IDO2: variants seen among roughly 807,000 people sequenced by gnomAD.
IDO2 encodes the protein indoleamine 2,3-dioxygenase-like 1 protein.
A neutral mutation model predicts 45.1 loss-of-function variants in IDO2; 46 were observed. That is an observed-to-expected ratio of 1.02 (90% CI 0.80 to 1.30). The LOEUF (loss-of-function observed/expected upper bound fraction) is 1.30, where lower values mean the gene tolerates loss of function less well. Ranked by LOEUF, IDO2 falls within the 50% of genes most tolerant of loss-of-function variation. The pLI is 0.00. For synonymous variants in IDO2, 218 were observed against 184.9 expected (o/e 1.18, Z -1.45); for missense variants, 544 against 491.8 (o/e 1.11, Z -1.00).
At chr8:39,962,798 A>T (rs1459545665) in intron 2 of IDO2, among the ~76,000 whole-genome samples, 1 of 152,222 alleles carries the variant, frequency 6.6e-6, no homozygotes, top group Non-Finnish European at 1.5e-5. Flanking sequence ...GGTGTGCCCA[A>T]GCAAACCATA....
intron 8 of IDO2, among the ~76,000 whole-genome samples, chr8:40,002,122 T>C (rs1460458079): frequency 2.0e-5 from 3 of 152,144 alleles, no homozygotes; most frequent in African/African-American, 7.2e-5. Context: ...TCTAAAGTTG[T>C]TTTGTCTTTC....
chr8:39,985,270 C>A (rs560617909), intron 5 of IDO2: 129 of 544,160 alleles, frequency 2.4e-4, no homozygotes, highest in African/African-American at 2.1e-3. Flanking sequence ...TATTCTGGGG[C>A]TGGAATGTGA....
In IDO2 at chr8:40,004,197, C is replaced by G. The variant is rs570711238; in HGVS notation, c.668-1130C>G. Among the ~76,000 whole-genome samples, 58 of 152,254 alleles carry G rather than the reference C, an allele frequency of 3.8e-4. 1 individual carries two copies. The highest frequency in any genetic ancestry group is 5.9e-4 in the Admixed American group (9 of 15,290). On this transcript the variant is annotated intron_variant, in intron 8 of 10. Coordinates refer to ENST00000502986, the Ensembl canonical transcript of IDO2. ...CGCATGGGGCATTGTCACATGTAAG[C>G]AGACAGAATGTGACACCACCAAGGA...
intron 8 of IDO2, among the ~76,000 whole-genome samples, chr8:40,004,522 AGAT>A (rs940862813): frequency 2.0e-5 from 2 of 98,710 alleles, no homozygotes; most frequent in Non-Finnish European, 4.4e-5. Flanking sequence ...TTAGACAGAC[AGAT>A]GATAGATAGA....
At chr8:39,981,768 A>G (rs1163143082) in intron 4 of IDO2, among the ~76,000 whole-genome samples, 1 of 152,158 alleles carries the variant, frequency 6.6e-6, no homozygotes, top group Non-Finnish European at 1.5e-5. Context: ...TGGATATTTT[A>G]TCTTAAGGAG....
chr8:39,983,863 G>GA (rs71220808), intron 5 of IDO2, among the ~76,000 whole-genome samples: 148,273 of 150,798 alleles, frequency 0.98, 72,915 homozygotes, highest in Middle Eastern at 1. Flanking sequence ...TGTCTCAAAA[G>GA]AAAAAAAAAT....
chr8:39,940,625 G>A (rs1287417171), intron 1 of IDO2, among the ~76,000 whole-genome samples: 10 of 152,082 alleles, frequency 6.6e-5, no homozygotes, highest in Admixed American at 4.6e-4. Flanking sequence ...TTTAAAATAC[G>A]CAATATATTA....
At chr8:39,965,784 T>A (rs913884699) in intron 3 of IDO2, among the ~76,000 whole-genome samples, 2 of 152,074 alleles carry the variant, frequency 1.3e-5, no homozygotes, top group Non-Finnish European at 2.9e-5. Flanking sequence ...AGCCAAGATG[T>A]GCCAAGGATT....
intron 3 of IDO2, among the ~76,000 whole-genome samples, chr8:39,974,478 G>A (rs1486675436): frequency 1.3e-5 from 2 of 152,178 alleles, no homozygotes; most frequent in Non-Finnish European, 2.9e-5. Flanking sequence ...TTTATGTACT[G>A]GGATAAAGGA....
chr8:39,985,718 T>C (rs1808412610), intron 6 of IDO2, 196 bp downstream of exon 6: 1 of 570,812 alleles, frequency 1.8e-6, no homozygotes, highest in African/African-American at 1.9e-5. Flanking sequence ...CTCTTCCTTG[T>C]ATAGATAAGG....
intron 2 of IDO2, among the ~76,000 whole-genome samples, chr8:39,954,204 T>C (rs1807855295): frequency 6.6e-6 from 1 of 152,220 alleles, no homozygotes; most frequent in Non-Finnish European, 1.5e-5. Context: ...CCTCATCTCC[T>C]GTCATTTAAG....
chr8:39,980,016 G>T (rs1016800271), intron 4 of IDO2, among the ~76,000 whole-genome samples: 3 of 152,078 alleles, frequency 2.0e-5, no homozygotes, highest in South Asian at 2.1e-4. Context: ...AGAGATGAGG[G>T]TCTTGCTGTT....
At chr8:39,960,024 C>A (rs905786804) in intron 2 of IDO2, among the ~76,000 whole-genome samples, 2 of 152,012 alleles carry the variant, frequency 1.3e-5, no homozygotes, top group Non-Finnish European at 2.9e-5. Flanking sequence ...TTGGATGTAC[C>A]CAAGTTATGA....
intron 9 of IDO2, among the ~76,000 whole-genome samples, chr8:40,012,967 A>G (rs916960673): frequency 6.6e-6 from 1 of 152,206 alleles, no homozygotes; most frequent in Non-Finnish European, 1.5e-5. Flanking sequence ...AAAGTCAGGT[A>G]ACATCTGTAC....
chr8:39,968,820 A>G (rs896546611), intron 3 of IDO2, among the ~76,000 whole-genome samples: 34 of 151,976 alleles, frequency 2.2e-4, no homozygotes, highest in Non-Finnish European at 4.0e-4. Flanking sequence ...TGGCACATGT[A>G]TACATATGTA....
intron 1 of IDO2, among the ~76,000 whole-genome samples, chr8:39,947,697 T>C (rs999676433): frequency 3.3e-5 from 5 of 152,190 alleles, no homozygotes; most frequent in Admixed American, 3.3e-4. Context: ...TGGTGTACTC[T>C]AGTGGCAAAA....
intron 8 of IDO2, among the ~76,000 whole-genome samples, chr8:39,993,894 C>A (rs1266686799): frequency 3.3e-5 from 5 of 152,034 alleles, no homozygotes; most frequent in Non-Finnish European, 7.4e-5. Flanking sequence ...GCAATCCCAG[C>A]TACTCAGGAG....
At chr8:40,008,356 A>G (rs1355300164) in intron 9 of IDO2, among the ~76,000 whole-genome samples, 1 of 152,008 alleles carries the variant, frequency 6.6e-6, no homozygotes, top group Non-Finnish European at 1.5e-5. Context: ...AGCACTGACA[A>G]TTCTAATCCT....
At chr8:40,004,946 C>T (rs901923934) in intron 8 of IDO2, among the ~76,000 whole-genome samples, 1 of 152,230 alleles carries the variant, frequency 6.6e-6, no homozygotes, top group African/African-American at 2.4e-5. Context: ...TAGTTTTCAT[C>T]TCTTGTGAAA....
Sources: allele counts gnomAD v4.1 joint callset (sites outside exome capture counted in the v4.1 genomes callset), GRCh38; gene constraint gnomAD v4.1.1; transcripts MANE v1.5; gene names NCBI Gene and HGNC (gene_info 2026-07-23, HGNC 2026-07-21).